DGKA: variants seen among roughly 807,000 people sequenced by gnomAD.
DGKA encodes the protein diacylglycerol kinase alpha.
A neutral mutation model predicts 105.0 loss-of-function variants in DGKA; 35 were observed. The observed-to-expected ratio is 0.33, with a 90% CI of 0.25 to 0.44. DGKA has a LOEUF of 0.44. Ranked by LOEUF, DGKA falls within the 20% of genes least tolerant of loss-of-function variation. The pLI is 1.00. For synonymous variants in DGKA, 296 were observed against 332.0 expected, an observed-to-expected ratio of 0.89 and a Z score of 1.18; for missense variants, 665 against 915.0, an observed-to-expected ratio of 0.73 and a Z score of 3.53.
At chr12:55,944,600 G>C (rs1487740411) in intron 17 of DGKA, among the ~76,000 whole-genome samples, 1 of 152,180 alleles carries the variant, frequency 6.6e-6, no homozygotes, top group Admixed American at 6.5e-5. Context: ...GAAATTACCT[G>C]TTTGCAGTAG....
At chr12:55,929,015 G>A (rs1383757891), upstream of DGKA, among the ~76,000 whole-genome samples, 1 of 151,990 alleles carries the variant, frequency 6.6e-6, no homozygotes, top group Non-Finnish European at 1.5e-5. Context: ...AAATTAGCCG[G>A]GTGTGGTGGC....
intron 1 of DGKA, chr12:55,936,174 A>G: frequency 3.7e-6 from 2 of 536,250 alleles, no homozygotes; most frequent in Non-Finnish European, 5.4e-6. Flanking sequence ...GTTGGGGGAG[A>G]GGGAGAAGGA....
chr12:55,928,947 G>C (rs1050992743), upstream of DGKA, among the ~76,000 whole-genome samples: 2 of 151,888 alleles, frequency 1.3e-5, no homozygotes, highest in Non-Finnish European at 2.9e-5. Flanking sequence ...CTTGAGGTCA[G>C]GAGTTCGAGA....
intron 1 of DGKA, chr12:55,936,150 A>T: frequency 3.4e-6 from 2 of 582,066 alleles, no homozygotes; most frequent in South Asian, 8.5e-5. Context: ...GGGTGGTCAG[A>T]TGAATCAAGA....
At chr12:55,934,779 A>G (rs1208634042) in intron 1 of DGKA, among the ~76,000 whole-genome samples, 1 of 152,216 alleles carries the variant, frequency 6.6e-6, no homozygotes, top group Non-Finnish European at 1.5e-5. Flanking sequence ...TCCTATTCCC[A>G]TGTAACCATA....
chr12:55,948,402 A>G (rs1474847831), intron 17 of DGKA, among the ~76,000 whole-genome samples: 9 of 132,124 alleles, frequency 6.8e-5, no homozygotes, highest in Non-Finnish European at 1.1e-4. Context: ...CTCCATCTCG[A>G]AAAAAAAAAA....
At position 55,941,664 on chromosome 12, in the gene DGKA, G is replaced by T. The variant is rs944069227; in HGVS notation, c.1250+80G>T. On this transcript the variant is annotated intron_variant, in intron 15 of 23. Coordinates refer to ENST00000331886, the MANE Select transcript of DGKA (RefSeq NM_001345.5). ...ATATGTTAGGAGAGTGCAGGAAAGAGTGCAGATTGGGAGAGGAGGGCTAGA... is the reference window on the plus strand; with the variant it reads ...ATATGTTAGGAGAGTGCAGGAAAGATTGCAGATTGGGAGAGGAGGGCTAGA... 6 of 1,436,790 alleles carry T rather than the reference G, an allele frequency of 4.2e-6. No individual in the cohort carries two copies. The East Asian group carries it at 1.4e-4, about 33-fold the overall frequency. 89.0% of individuals were successfully genotyped at this position (1,436,790 alleles called of 1,614,324 possible). A position where few individuals can be genotyped will look rare whatever the true frequency, so the allele number is the denominator to read the frequency against.
chr12:55,940,102 G>T lies in DGKA; in HGVS notation c.730G>T (p.Asp244Tyr). ...CTCAGTCTGTAAGTACACTGTTCAC[G>T]ACCAGTGTGCCATGAAAGCCCTGCC... ...SCNLCKYTVH[D>Y]QCAMKALPCE... Residue 244 changes from aspartate (D) to tyrosine (Y), a missense_variant, in exon 10 of 24, where the codon GAC becomes TAC. This residue lies in a region of DGKA where 504 missense variants were observed against 681.2 expected (regional missense o/e 0.74). Transcript: ENST00000331886. This position sits in a 1 kb window ranked among gnomAD's most constrained non-coding sequence, Gnocchi z 4.3. The T allele has an allele frequency of 6.2e-7, 1 of 1,614,150 alleles. No individual in the cohort carries two copies. Among genetic ancestry groups the T allele is most frequent in the South Asian group, 1.1e-5 (1 of 91,040 alleles).
chr12:55,953,689 A>G lies in DGKA; in HGVS notation c.2129A>G (p.Lys710Arg), dbSNP rs756601317. 2 of 1,614,058 alleles carry G rather than the reference A, an allele frequency of 1.2e-6. No individual in the cohort carries two copies. The highest frequency in any genetic ancestry group is 1.7e-6 in the Non-Finnish European group (2 of 1,179,972). ...ATGTGCTCCCTTCCCTTCCAGATCA[A>G]GATCACCCACAAGAACCAGATGCCC... ...EPWMQTPCTI[K>R]ITHKNQMPML... is the part of the protein sequence containing the mutation. The change falls in exon 24 of 24, where the codon AAG becomes AGG. Residue 710 changes from lysine (K) to arginine (R), a missense_variant. Lys to Arg is a conservative substitution (Grantham distance 26, BLOSUM62 2). Coordinates refer to ENST00000331886, the MANE Select transcript of DGKA (RefSeq NM_001345.5).
At chr12:55,945,417 G>A (rs898295800) in intron 17 of DGKA, among the ~76,000 whole-genome samples, 2 of 152,156 alleles carry the variant, frequency 1.3e-5, no homozygotes, top group Non-Finnish European at 2.9e-5. Flanking sequence ...CTGCATTAGC[G>A]TCCCATTGCT....
upstream of DGKA, chr12:55,927,833 G>A (rs757626441): frequency 1.3e-6 from 2 of 1,508,948 alleles, no homozygotes; most frequent in Non-Finnish European, 1.8e-6. Context: ...CGGCGCCGGG[G>A]ATTCGGCGGC....
At chr12:55,947,299 A>G (rs1356548800) in intron 17 of DGKA, among the ~76,000 whole-genome samples, 1 of 152,092 alleles carries the variant, frequency 6.6e-6, no homozygotes, top group Non-Finnish European at 1.5e-5. Flanking sequence ...AGACATTTTT[A>G]AAACCTTTTT....
chr12:55,937,338 C>T, intron 3 of DGKA, 70 bp from the exon 4 acceptor site: 1 of 1,556,870 alleles, frequency 6.4e-7, no homozygotes, highest in South Asian at 1.2e-5. Context: ...CCTGTCCCCG[C>T]TACTCCCAAT....
chr12:55,947,723 A>G (rs970143621), intron 17 of DGKA, among the ~76,000 whole-genome samples: 1 of 152,198 alleles, frequency 6.6e-6, no homozygotes, highest in Non-Finnish European at 1.5e-5. Context: ...CACAGATATG[A>G]ACATTTCTCT....
At chr12:55,927,630 C>A (rs956695822), upstream of DGKA, 67 of 1,473,372 alleles carry the variant, frequency 4.5e-5, no homozygotes, top group African/African-American at 2.8e-5. Context: ...GTGGGGAGGT[C>A]GAATTCGTGT....
Position 55,940,286 on chromosome 12 carries a change from C to G in DGKA, c.799-28C>G. On this transcript the variant is annotated intron_variant, in intron 10 of 23. Transcript: ENST00000331886. The surrounding 1 kb of genome is among the most constrained non-coding windows in gnomAD (Gnocchi z 4.3). The stretch of plus-strand genomic sequence containing the variant: ...CCCCTAGGTCCTGCTCAGACCCTGC[C>G]AGACAAGGAACTGCCTTTCTCCCCA... 6.2e-7 allele frequency: 1 copy of G among 1,614,266 alleles called. No homozygotes were observed. Among genetic ancestry groups the G allele is most frequent in the East Asian group, 2.2e-5 (1 of 44,890 alleles).
intron 17 of DGKA, among the ~76,000 whole-genome samples, chr12:55,947,276 C>G (rs191206729): frequency 1.3e-3 from 198 of 152,208 alleles, no homozygotes; most frequent in Non-Finnish European, 2.1e-3. Context: ...TAAGCCACTG[C>G]GCCCAGCTGT....
intron 17 of DGKA, among the ~76,000 whole-genome samples, chr12:55,944,686 A>T (rs1441573906): frequency 1.3e-5 from 2 of 152,234 alleles, no homozygotes; most frequent in East Asian, 3.8e-4. Flanking sequence ...ACAGCTCTGG[A>T]TAACTGATAG....
intron 5 of DGKA, chr12:55,938,280 C>T: frequency 1.5e-6 from 1 of 678,854 alleles, no homozygotes; most frequent in Non-Finnish European, 2.5e-6. Flanking sequence ...TGTAGGCGGC[C>T]TAGGATGTCC....
Sources: allele counts gnomAD v4.1 joint callset (sites outside exome capture counted in the v4.1 genomes callset), GRCh38; gene constraint gnomAD v4.1.1; regional missense constraint gnomAD v4.1.1; non-coding constraint Gnocchi (gnomAD v3.1); transcripts MANE v1.5; gene names NCBI Gene and HGNC (gene_info 2026-07-23, HGNC 2026-07-21).